The following DPEP3 variants were observed in gnomAD, a reference collection of about 807,000 sequenced individuals.
The protein encoded by DPEP3 is dipeptidase 3, also known as membrane-bound dipeptidase 3.
Under a neutral mutation model 47.5 loss-of-function variants are expected in DPEP3, and 42 were observed. That is an observed-to-expected ratio of 0.88 (90% CI 0.69 to 1.14). The LOEUF is 1.14. DPEP3 is among the 50% of genes most tolerant of loss of function. The pLI is 0.00. For missense variants in DPEP3, 560 were observed against 635.0 expected (o/e 0.88, Z 1.27); for synonymous variants, 276 against 270.2 (o/e 1.02, Z -0.21).
In DPEP3 at chr16:67,977,494, C is replaced by A. The variant is rs892336345; in HGVS notation, c.934-140G>T. On this transcript the variant is annotated intron_variant, in intron 6 of 9. Coordinates refer to ENST00000268793, the MANE Select transcript of DPEP3 (RefSeq NM_001370198.1). ...CTTCACCTCTCTGCGTTTGTGGGTC[C>A]CTGAGTGGAAATTACTTGGCCTTAA... 5.5e-6 allele frequency: 7 copies of A among 1,262,794 alleles called. No individual in the cohort carries two copies. In the African/African-American group the frequency reaches 6.0e-5, roughly 11 times the overall value. The allele number at this position is 1,262,794 out of a possible 1,614,324, so 78.2% of individuals were successfully genotyped here.
intron 1 of DPEP3, 112 bp downstream of exon 1, chr16:67,979,982 G>A: frequency 7.0e-7 from 1 of 1,422,702 alleles, no homozygotes; most frequent in Non-Finnish European, 9.5e-7. Flanking sequence ...AGGGCATCCA[G>A]GGGTGGTGTG....
chr16:67,979,110 G>C (rs2031265923), intron 2 of DPEP3, among the ~76,000 whole-genome samples: 1 of 152,160 alleles, frequency 6.6e-6, no homozygotes, highest in South Asian at 2.1e-4. Context: ...TTCGAGACCA[G>C]CCTGGCCAAC....
Position 67,976,086 on chromosome 16 carries a change from A to G in DPEP3, c.1230+7T>C. On this transcript the variant is annotated splice_region_variant and intron_variant, in intron 9 of 9. Coordinates refer to ENST00000268793, the MANE Select transcript of DPEP3 (RefSeq NM_001370198.1). ...ACTGAACCATCCTGTCCACCAGCCC[A>G]GCTTACCTTTTCCACTTGTCTGAAG... The G allele has an allele frequency of 6.2e-7, 1 of 1,614,076 alleles. No individual in the cohort carries two copies. Among genetic ancestry groups the G allele is most frequent in the Admixed American group, 1.7e-5 (1 of 60,010 alleles).
chr16:67,980,423 A>G lies in DPEP3; in HGVS notation c.-43T>C, dbSNP rs767425264. 19 of 1,486,342 alleles carry G rather than the reference A, an allele frequency of 1.3e-5. No homozygotes were observed. The South Asian group carries it at 2.4e-4, about 19-fold the overall frequency. The allele number at this position is 1,486,342 out of a possible 1,614,324, so 92.1% of individuals were successfully genotyped here. ...CGCGGGAGCCTGGGAGGAGCAGGCG[A>G]TGGGCAGAGGCCGACAATGGGGTCC... On this transcript the variant is annotated 5_prime_UTR_variant, in exon 1 of 10. Coordinates refer to ENST00000268793, the MANE Select transcript of DPEP3 (RefSeq NM_001370198.1).
In DPEP3 at chr16:67,980,418, A is replaced by G; in HGVS notation, c.-38T>C. 1.3e-6 allele frequency: 2 copies of G among 1,492,838 alleles called. No individual in the cohort carries two copies. Among genetic ancestry groups the G allele is most frequent in the Non-Finnish European group, 8.9e-7 (1 of 1,121,896 alleles). 92.5% of individuals were successfully genotyped at this position (1,492,838 alleles called of 1,614,324 possible). A position where few individuals can be genotyped will look rare whatever the true frequency, so the allele number is the denominator to read the frequency against. On this transcript the variant is annotated 5_prime_UTR_variant, in exon 1 of 10. Transcript: ENST00000268793. ...TCGGCCGCGGGAGCCTGGGAGGAGC[A>G]GGCGATGGGCAGAGGCCGACAATGG...
In DPEP3 at chr16:67,977,965, G is replaced by A. The variant is rs1195164898; in HGVS notation, c.729C>T (p.Asn243=). 15 of 1,613,860 alleles carry A rather than the reference G, an allele frequency of 9.3e-6. No individual in the cohort carries two copies. Among genetic ancestry groups the A allele is most frequent in the Non-Finnish European group, 1.1e-5 (13 of 1,179,894 alleles). The change falls in exon 5 of 10, where the codon AAC becomes AAT. Residue 243 remains asparagine (N), a synonymous_variant. Transcript: ENST00000268793. The part of the protein sequence containing the change: ...STKFRHHMYT[N]VSGLTSFGEK... ...CACCAAAGCTTGTCAATCCGCTGACGTTGGTGTACATGTGGTGTCTGAACT... is the reference window on the plus strand; with the variant it reads ...CACCAAAGCTTGTCAATCCGCTGACATTGGTGTACATGTGGTGTCTGAACT...
chr16:67,978,338 G>C lies in DPEP3; in HGVS notation c.615C>G (p.Leu205=), dbSNP rs761469059. 1.2e-6 allele frequency: 2 copies of C among 1,614,134 alleles called. No homozygotes were observed. Among genetic ancestry groups the C allele is most frequent in the Non-Finnish European group, 1.7e-6 (2 of 1,179,976 alleles). The change falls in exon 4 of 10, where the codon CTC becomes CTG. Residue 205 remains leucine (L), a synonymous_variant. Transcript: ENST00000268793. This position sits in a 1 kb window ranked among gnomAD's most constrained non-coding sequence, Gnocchi z 4.4. The part of the protein sequence containing the change: ...VEGGHSLDSS[L]SVLRSFYVLG... ...GCACATAGAAACTGCGCAGCACAGA[G>C]AGGCTGCTGTCCAGTGAGTGACCAC...
chr16:67,977,932 C>G lies in DPEP3; in HGVS notation c.756+6G>C. 1 of 1,613,920 alleles carries G rather than the reference C, an allele frequency of 6.2e-7. No individual in the cohort carries two copies. Among genetic ancestry groups the G allele is most frequent in the Non-Finnish European group, 8.5e-7 (1 of 1,179,864 alleles). On this transcript the variant is annotated splice_donor_region_variant and intron_variant, in intron 5 of 9. Transcript: ENST00000268793. ...GTGGGTTGGGGTACAAAACAGGAGT[C>G]CTCACCTCACCAAAGCTTGTCAATC...
intron 8 of DPEP3, 23 bp from the exon 9 acceptor site, chr16:67,976,251 G>A (rs1344322143): frequency 2.5e-6 from 4 of 1,613,398 alleles, no homozygotes; most frequent in Admixed American, 3.3e-5. Context: ...CCACCAGCCA[G>A]CTGTGGGACC....
Position 67,978,737 on chromosome 16 carries a change from T to C in DPEP3, c.415-111A>G. On this transcript the variant is annotated intron_variant, in intron 2 of 9. Coordinates refer to ENST00000268793, the MANE Select transcript of DPEP3 (RefSeq NM_001370198.1). The surrounding 1 kb of genome is among the most constrained non-coding windows in gnomAD (Gnocchi z 4.4). Reference sequence around the variant, plus strand: ...ACCCATTTGGGTCAGTGGCCCCAAGTGAGGCACTACATGACTCCATGGTAC... The same window carrying C: ...ACCCATTTGGGTCAGTGGCCCCAAGCGAGGCACTACATGACTCCATGGTAC... The C allele has an allele frequency of 1.5e-6, 2 of 1,296,336 alleles. No homozygotes were observed. Among genetic ancestry groups the C allele is most frequent in the South Asian group, 1.3e-5 (1 of 74,452 alleles). 80.3% of individuals were successfully genotyped at this position (1,296,336 alleles called of 1,614,324 possible). A position where few individuals can be genotyped will look rare whatever the true frequency, so the allele number is the denominator to read the frequency against.
intron 7 of DPEP3, among the ~76,000 whole-genome samples, 167 bp from the exon 8 acceptor site, chr16:67,976,942 A>C (rs1337874457): frequency 1.3e-5 from 2 of 152,138 alleles, no homozygotes; most frequent in East Asian, 3.9e-4. Flanking sequence ...TGGACCTTGG[A>C]GCCACCCCTT....
chr16:67,976,077 C>T lies in DPEP3; in HGVS notation c.1230+16G>A. On this transcript the variant is annotated intron_variant, in intron 9 of 9. Coordinates refer to ENST00000268793, the MANE Select transcript of DPEP3 (RefSeq NM_001370198.1). Reference sequence around the variant, plus strand: ...TCTCAAACCACTGAACCATCCTGTCCACCAGCCCAGCTTACCTTTTCCACT... The same window carrying T: ...TCTCAAACCACTGAACCATCCTGTCTACCAGCCCAGCTTACCTTTTCCACT... 1 of 1,614,104 alleles carries T rather than the reference C, an allele frequency of 6.2e-7. No individual in the cohort carries two copies. Among genetic ancestry groups the T allele is most frequent in the African/African-American group, 1.3e-5 (1 of 75,054 alleles).
Position 67,977,459 on chromosome 16 carries a change from T to C in DPEP3, c.934-105A>G, listed in dbSNP as rs571504241. The C allele has an allele frequency of 1.1e-5, 14 of 1,327,356 alleles. No individual in the cohort carries two copies. In the African/African-American group the frequency reaches 1.7e-4, roughly 17 times the overall value. 82.2% of individuals were successfully genotyped at this position (1,327,356 alleles called of 1,614,324 possible). A position where few individuals can be genotyped will look rare whatever the true frequency, so the allele number is the denominator to read the frequency against. ...CTGTGCTCCATCCTGGCTTCAGGGG[T>C]TGGAAGAGGCTTCACCTCTCTGCGT... On this transcript the variant is annotated intron_variant, in intron 6 of 9. Coordinates refer to ENST00000268793, the MANE Select transcript of DPEP3 (RefSeq NM_001370198.1).
At position 67,980,157 on chromosome 16, in the gene DPEP3, G is replaced by A. The variant is rs778877276; in HGVS notation, c.224C>T (p.Pro75Leu). The A allele has an allele frequency of 6.8e-6, 11 of 1,612,708 alleles. No homozygotes were observed. The highest frequency in any genetic ancestry group is 8.5e-6 in the Non-Finnish European group (10 of 1,179,414). The change falls in exon 1 of 10, where the codon CCC becomes CTC. Residue 75 changes from proline to leucine, a missense_variant. Coordinates refer to ENST00000268793, the MANE Select transcript of DPEP3 (RefSeq NM_001370198.1). ...TTPGLTTPGT[P>L]KTLDLRGRAQ... ...GCGACCCCGAAGGTCCAGGGTTTTG[G>A]GGGTGCCTGGCGTAGTGAGGCCTGG...
At chr16:67,976,569 G>A in intron 8 of DPEP3, 131 bp downstream of exon 8, 1 of 827,070 alleles carries the variant, frequency 1.2e-6, no homozygotes, top group East Asian at 2.7e-5. Context: ...CTGAGAGTGG[G>A]GAGTGTCAGG....
chr16:67,977,759 C>G lies in DPEP3; in HGVS notation c.827G>C (p.Arg276Thr). 6.2e-7 allele frequency: 1 copy of G among 1,613,828 alleles called. No individual in the cohort carries two copies. Among genetic ancestry groups the G allele is most frequent in the Non-Finnish European group, 8.5e-7 (1 of 1,179,816 alleles). ...AGCCTGAGACACTTCCAGGACCCTT[C>G]TTATCAAGGTGTCCGATGCATAGGA... Reference protein sequence around the residue: ...DLSYASDTLIRRVLEVSQAPV... With the variant: ...DLSYASDTLITRVLEVSQAPV... Residue 276 changes from arginine to threonine, a missense_variant, in exon 6 of 10, where the codon AGA (arginine) becomes ACA (threonine). Coordinates refer to ENST00000268793, the MANE Select transcript of DPEP3 (RefSeq NM_001370198.1).
In DPEP3 at chr16:67,978,474, C is replaced by T. The variant is rs775608936; in HGVS notation, c.544+23G>A. ...CAGAACCTCCAGAGTGACATCCTGACTACCTCTCATCTGCTGGCCCACCTT... is the reference window on the plus strand; with the variant it reads ...CAGAACCTCCAGAGTGACATCCTGATTACCTCTCATCTGCTGGCCCACCTT... On this transcript the variant is annotated intron_variant, in intron 3 of 9. Coordinates refer to ENST00000268793, the MANE Select transcript of DPEP3 (RefSeq NM_001370198.1). This position sits in a 1 kb window ranked among gnomAD's most constrained non-coding sequence, Gnocchi z 4.4. 4 of 1,613,928 alleles carry T rather than the reference C, an allele frequency of 2.5e-6. No homozygotes were observed. The highest frequency in any genetic ancestry group is 3.4e-6 in the Non-Finnish European group (4 of 1,179,934).
At position 67,979,784 on chromosome 16, in the gene DPEP3, G is replaced by A. The variant is rs770356228; in HGVS notation, c.288-19C>T. ...ATTGTGGCTGGGGGTGTGAAGGTCA[G>A]ATGGAAACACCGCCTCCAGATCAGT... On this transcript the variant is annotated intron_variant, in intron 1 of 9. Transcript: ENST00000268793. 6.2e-7 allele frequency: 1 copy of A among 1,613,252 alleles called. No homozygotes were observed. The highest frequency in any genetic ancestry group is 1.1e-5 in the South Asian group (1 of 90,982).
Position 67,975,698 on chromosome 16 carries a change from G to T in DPEP3, c.*67C>A. ...ACATGTTTATTCTCAGCATATGCTT[G>T]TGAATGAACTAGGAGAGGGGGCTTT... On this transcript the variant is annotated 3_prime_UTR_variant, in exon 10 of 10. Transcript: ENST00000268793. The T allele has an allele frequency of 7.1e-7, 1 of 1,417,914 alleles. No individual in the cohort carries two copies. Among genetic ancestry groups the T allele is most frequent in the African/African-American group, 1.4e-5 (1 of 70,748 alleles). 87.8% of individuals were successfully genotyped at this position (1,417,914 alleles called of 1,614,324 possible). A position where few individuals can be genotyped will look rare whatever the true frequency, so the allele number is the denominator to read the frequency against.
Sources: gnomAD v4.1 joint callset for allele counts (sites outside exome capture counted in the v4.1 genomes callset) on GRCh38, gnomAD v4.1.1 for gene constraint, Gnocchi (gnomAD v3.1) non-coding constraint, MANE v1.5 for transcripts, NCBI Gene and HGNC (gene_info 2026-07-23, HGNC 2026-07-21) for gene names.